The following RBM47 variants were observed in gnomAD, a reference collection of about 807,000 sequenced individuals.
RBM47 encodes RNA-binding protein 47.
In RBM47, 21 loss-of-function variants were observed where a neutral mutation model predicts 47.1. The ratio of observed to expected loss-of-function variants is 0.45; its 90% confidence interval spans 0.32 to 0.64. The LOEUF (loss-of-function observed/expected upper bound fraction) is 0.64, where lower values mean the gene tolerates loss of function less well. RBM47 is among the 30% of genes least tolerant of loss of function. RBM47 has a pLI of 0.05. For synonymous variants in RBM47, 375 were observed against 361.7 expected (o/e 1.04, Z -0.42); for missense variants, 708 against 870.9 (o/e 0.81, Z 2.35).
intron 6 of RBM47, chr4:40,427,260 T>C (rs772072667): frequency 6.6e-6 from 1 of 152,110 alleles, no homozygotes; most frequent in Non-Finnish European, 1.5e-5. Flanking sequence ...AATGGGGAAG[T>C]TGGAGAAAAT....
At chr4:40,456,571 C>CTTTTTTTT (rs34320480) in intron 3 of RBM47, among the ~76,000 whole-genome samples, 228 of 112,480 alleles carry the variant, frequency 2.0e-3, no homozygotes, top group Non-Finnish European at 2.9e-3. Flanking sequence ...TTTCTTTTTT[C>CTTTTTTTT]TTTTTTTTTT....
intron 3 of RBM47, among the ~76,000 whole-genome samples, chr4:40,444,720 A>G (rs1354450738): frequency 2.0e-5 from 3 of 150,626 alleles, no homozygotes; most frequent in Non-Finnish European, 1.5e-5. Flanking sequence ...GCTGGAGTGC[A>G]GTGGTATGAT....
At chr4:40,426,863 A>C in intron 6 of RBM47, 1 of 152,162 alleles carries the variant, frequency 6.6e-6, no homozygotes. Context: ...GGAATCTTCT[A>C]CTTACCATTC....
intron 1 of RBM47, among the ~76,000 whole-genome samples, chr4:40,612,737 G>T (rs1736370289): frequency 6.6e-6 from 1 of 152,056 alleles, no homozygotes; most frequent in Non-Finnish European, 1.5e-5. Context: ...TAAATTTGAA[G>T]GTATCTTATA....
intron 1 of RBM47, among the ~76,000 whole-genome samples, chr4:40,570,172 T>C (rs1254459585): frequency 1.3e-5 from 2 of 151,882 alleles, no homozygotes; most frequent in Non-Finnish European, 2.9e-5. Context: ...GGGGTGAGAA[T>C]GGTGAAGGGA....
chr4:40,594,625 C>G (rs538239092), intron 1 of RBM47, among the ~76,000 whole-genome samples: 1 of 152,264 alleles, frequency 6.6e-6, no homozygotes, highest in Admixed American at 6.5e-5. Context: ...TGTCTCTGTT[C>G]CCTATATGCA....
intron 1 of RBM47, among the ~76,000 whole-genome samples, chr4:40,550,113 G>C (rs1729423358): frequency 6.6e-6 from 1 of 152,170 alleles, no homozygotes; most frequent in African/African-American, 2.4e-5. Context: ...ACCCAACAGA[G>C]CTGTCTTGGA....
chr4:40,594,858 T>C (rs1448435409), intron 1 of RBM47, among the ~76,000 whole-genome samples: 2 of 152,204 alleles, frequency 1.3e-5, no homozygotes, highest in Non-Finnish European at 2.9e-5. Context: ...CTTATCATTT[T>C]CTATGGTTTA....
rs1553903539 is a variant in RBM47, at chr4:40,573,807, A to AAGAAAGAAAGAAAGAAAGAAAG, written c.-239-29302_-239-29301insCTTTCTTTCTTTCTTTCTTTCT. ...AAAGAGAGAGAGAGAGAAAGAAAGA[A>AAGAAAGAAAGAAAGAAAGAAAG]AAAGAAAGAAAGAAAGAAAGAAAGA... is the stretch of plus-strand genomic sequence containing the variant. On this transcript the variant is annotated intron_variant, in intron 1 of 6. Coordinates refer to ENST00000295971, the MANE Select transcript of RBM47 (RefSeq NM_001098634.2). Among the ~76,000 whole-genome samples the AAGAAAGAAAGAAAGAAAGAAAG allele has an allele frequency of 8.0e-4, 109 of 136,758 alleles. 1 individual carries two copies. The highest frequency in any genetic ancestry group is 2.9e-3 in the African/African-American group (96 of 32,954). 89.7% of individuals were successfully genotyped at this position (136,758 alleles called of 152,430 possible). A position where few individuals can be genotyped will look rare whatever the true frequency, so the allele number is the denominator to read the frequency against.
intron 1 of RBM47, among the ~76,000 whole-genome samples, chr4:40,552,052 T>C (rs577036984): frequency 6.6e-6 from 1 of 152,276 alleles, no homozygotes; most frequent in Admixed American, 6.5e-5. Context: ...TCCATCTTTA[T>C]ACAAGACCTT....
chr4:40,581,553 G>A (rs1732948521), intron 1 of RBM47, among the ~76,000 whole-genome samples: 1 of 151,640 alleles, frequency 6.6e-6, no homozygotes, highest in Non-Finnish European at 1.5e-5. Flanking sequence ...GAGATGGTTT[G>A]TTTGGTTTCT....
At chr4:40,615,046 A>T (rs1022192100) in intron 1 of RBM47, among the ~76,000 whole-genome samples, 6 of 152,138 alleles carry the variant, frequency 3.9e-5, no homozygotes, top group Non-Finnish European at 8.8e-5. Context: ...GGATCGTTTG[A>T]ACACAGGAGG....
At chr4:40,481,794 C>T (rs905097991) in intron 2 of RBM47, among the ~76,000 whole-genome samples, 6 of 152,182 alleles carry the variant, frequency 3.9e-5, no homozygotes, top group Non-Finnish European at 7.3e-5. Flanking sequence ...TCAAGCGATC[C>T]GCCCGCCTTG....
At chr4:40,501,476 A>G (rs1723352483) in intron 2 of RBM47, among the ~76,000 whole-genome samples, 1 of 152,246 alleles carries the variant, frequency 6.6e-6, no homozygotes, top group Admixed American at 6.5e-5. Context: ...GCTTTCTGTA[A>G]TGATGGAAAC....
At chr4:40,568,299 A>G (rs1474291731) in intron 1 of RBM47, among the ~76,000 whole-genome samples, 2 of 151,468 alleles carry the variant, frequency 1.3e-5, no homozygotes, top group Non-Finnish European at 1.5e-5. Context: ...ATGGCGGCGC[A>G]GTGCCTCTGG....
chr4:40,519,013 G>A (rs544853806), intron 2 of RBM47, among the ~76,000 whole-genome samples: 1 of 150,996 alleles, frequency 6.6e-6, no homozygotes, highest in Non-Finnish European at 1.5e-5. Context: ...AGGCAACATA[G>A]TGAGACCCTT....
In RBM47 at chr4:40,598,485, A is replaced by C. The variant is rs564528181; in HGVS notation, c.-240+30911T>G. 1.1e-4 allele frequency among the ~76,000 whole-genome samples: 17 copies of C among 152,184 alleles called. 1 individual carries two copies. The East Asian group carries it at 2.1e-3, about 19-fold the overall frequency. The stretch of plus-strand genomic sequence containing the variant: ...CTGGTCTCAAACTTTCCTGAGCTTA[A>C]GCAATCTGCCCACCTCAGGCTCCCA... On this transcript the variant is annotated intron_variant, in intron 1 of 6. Transcript: ENST00000295971.
chr4:40,577,099 T>G (rs1732408882), intron 1 of RBM47, among the ~76,000 whole-genome samples: 1 of 152,210 alleles, frequency 6.6e-6, no homozygotes, highest in Non-Finnish European at 1.5e-5. Flanking sequence ...ATGGGTGGCC[T>G]GAGGGTCACG....
At chr4:40,534,190 T>C (rs944523477) in intron 2 of RBM47, among the ~76,000 whole-genome samples, 2 of 151,742 alleles carry the variant, frequency 1.3e-5, no homozygotes, top group Non-Finnish European at 2.9e-5. Context: ...GGTCTTGAAC[T>C]CGTGGGCTGA....
Sources: gnomAD v4.1 joint callset for allele counts (sites outside exome capture counted in the v4.1 genomes callset) on GRCh38, gnomAD v4.1.1 for gene constraint, MANE v1.5 for transcripts, NCBI Gene and HGNC (gene_info 2026-07-23, HGNC 2026-07-21) for gene names.